The following OPRM1 variants were observed in gnomAD, a reference collection of about 807,000 sequenced individuals.
OPRM1 encodes the protein mu-type opioid receptor.
OPRM1 carries 27 observed loss-of-function variants against 31.8 expected under a neutral mutation model. The ratio of observed to expected loss-of-function variants is 0.85; its 90% CI spans 0.63 to 1.17. The LOEUF (loss-of-function observed/expected upper bound fraction) is 1.17. OPRM1 is among the 50% of genes most tolerant of loss of function. The pLI is 0.00. For synonymous variants in OPRM1, 196 were observed against 189.9 expected, an observed-to-expected ratio of 1.03 and a Z score of -0.26; for missense variants, 536 against 511.1, an observed-to-expected ratio of 1.05 and a Z score of -0.47.
intron 1 of OPRM1, among the ~76,000 whole-genome samples, chr6:154,028,581 C>T (rs1428256455): frequency 6.6e-6 from 1 of 152,152 alleles, no homozygotes; most frequent in East Asian, 1.9e-4. Context: ...TTATTTAAGG[C>T]CCCAGCGCCC....
At chr6:154,134,913 T>G (rs1051177757), downstream of OPRM1, among the ~76,000 whole-genome samples, 1 of 151,942 alleles carries the variant, frequency 6.6e-6, no homozygotes, top group Non-Finnish European at 1.5e-5. Flanking sequence ...ACAGAAACTA[T>G]CTATTTAAAT....
chr6:154,219,741 TA>T (rs1313569935), intron 3 of OPRM1, among the ~76,000 whole-genome samples: 1 of 152,038 alleles, frequency 6.6e-6, no homozygotes, highest in Non-Finnish European at 1.5e-5. Flanking sequence ...ACCAAGGGGA[TA>T]AAAAAAAGCT....
At chr6:154,089,264 C>T (rs1000600791) in intron 1 of OPRM1, among the ~76,000 whole-genome samples, 2 of 151,916 alleles carry the variant, frequency 1.3e-5, no homozygotes, top group Non-Finnish European at 2.9e-5. Context: ...TTAGACCTAT[C>T]ACAATGACTG....
chr6:154,070,056 G>C (rs941335788), intron 1 of OPRM1, among the ~76,000 whole-genome samples: 3 of 152,136 alleles, frequency 2.0e-5, no homozygotes, highest in African/African-American at 4.8e-5. Context: ...AGGTGAGGGG[G>C]TACAACAATG....
At chr6:154,107,197 T>A (rs547584731) in intron 3 of OPRM1, among the ~76,000 whole-genome samples, 84 of 152,320 alleles carry the variant, frequency 5.5e-4, no homozygotes, top group African/African-American at 1.9e-3. Context: ...AGGAAAGGGG[T>A]CTCTGGTGCC....
intron 3 of OPRM1, among the ~76,000 whole-genome samples, chr6:154,111,966 T>C (rs941208130): frequency 7.2e-5 from 11 of 152,016 alleles, no homozygotes; most frequent in Non-Finnish European, 1.3e-4. Flanking sequence ...GGGGTTTCAC[T>C]GTGTTAGCCA....
At chr6:154,152,426 A>G (rs1798563822) in intron 3 of OPRM1, among the ~76,000 whole-genome samples, 1 of 151,828 alleles carries the variant, frequency 6.6e-6, no homozygotes, top group South Asian at 2.1e-4. Context: ...TACACAGGTC[A>G]GGACCAATGA....
intron 1 of OPRM1, among the ~76,000 whole-genome samples, chr6:154,053,288 C>A (rs1782557300): frequency 6.6e-6 from 1 of 152,166 alleles, no homozygotes; most frequent in African/African-American, 2.4e-5. Context: ...AACTTCTTGG[C>A]AAATATAAAA....
intron 3 of OPRM1, among the ~76,000 whole-genome samples, chr6:154,179,600 T>C (rs1191449964): frequency 6.6e-6 from 1 of 152,210 alleles, no homozygotes; most frequent in Non-Finnish European, 1.5e-5. Context: ...ATTTTAGTCT[T>C]CCTACATAAA....
At chr6:154,176,360 T>C (rs1468299930) in intron 3 of OPRM1, among the ~76,000 whole-genome samples, 1 of 152,136 alleles carries the variant, frequency 6.6e-6, no homozygotes, top group East Asian at 1.9e-4. Flanking sequence ...GTGTATTCAA[T>C]TAGGAAAAGA....
intron 3 of OPRM1, among the ~76,000 whole-genome samples, chr6:154,113,385 G>A (rs1039903095): frequency 1.3e-5 from 2 of 152,164 alleles, no homozygotes; most frequent in Non-Finnish European, 2.9e-5. Context: ...ATTATTGCAA[G>A]GACTCAAAGA....
rs942359794 is a variant in OPRM1 at position 154,119,980 on chromosome 6, T to C, written c.*1259T>C. Among the ~76,000 whole-genome samples the C allele has an allele frequency of 6.6e-6, 1 of 152,314 alleles. No individual in the cohort carries two copies. The highest frequency in any genetic ancestry group is 3.4e-3 in the Middle Eastern group (1 of 294). On this transcript the variant is annotated 3_prime_UTR_variant, in exon 4 of 4. Transcript: ENST00000330432. ...AAGACAATTCTCCGCTTTAACTGAT[T>C]TTCTTTGTTGTGAAACACAGTAGAG...
chr6:154,102,425 C>A (rs193280242), intron 3 of OPRM1, among the ~76,000 whole-genome samples: 1 of 152,128 alleles, frequency 6.6e-6, no homozygotes, highest in Non-Finnish European at 1.5e-5. Context: ...CCAAGCCATC[C>A]GGTGAGGCTT....
In OPRM1 at chr6:154,118,679, T is replaced by C. The variant is rs201696508; in HGVS notation, c.1165-4T>C. 55 of 1,613,124 alleles carry C rather than the reference T, an allele frequency of 3.4e-5. No individual in the cohort carries two copies. Among genetic ancestry groups the C allele is most frequent in the South Asian group, 3.2e-4 (29 of 91,050 alleles). ...CACTGTCTTTGCTCTTTCTCTCCTT[T>C]CAGCTAGAAAATCTGGAAGCAGAAA... On this transcript the variant is annotated splice_region_variant and splice_polypyrimidine_tract_variant and intron_variant, in intron 3 of 3. Coordinates refer to ENST00000330432, the MANE Select transcript of OPRM1 (RefSeq NM_000914.5).
At position 154,168,310 on chromosome 6, in the gene OPRM1, C is replaced by T. The variant is rs1272557075; in HGVS notation, c.1164+76838C>T. 6.6e-6 allele frequency among the ~76,000 whole-genome samples: 1 copy of T among 152,110 alleles called. No homozygotes were observed. Among genetic ancestry groups the T allele is most frequent in the Non-Finnish European group, 1.5e-5 (1 of 68,016 alleles). On this transcript the variant is annotated intron_variant, in intron 3 of 3. Transcript: ENST00000337049. The surrounding 1 kb of genome is among the most constrained non-coding windows in gnomAD (Gnocchi z 4.1). ...ACTTTGTTACTGCAGAGCCACGTTC[C>T]CTGTGAAGGCACCAGGGAAGGAGTT...
At chr6:154,200,177 AGATAT>A in intron 3 of OPRM1, 1 of 757,052 alleles carries the variant, frequency 1.3e-6, no homozygotes, top group Admixed American at 3.0e-5. Flanking sequence ...CAAAAGGTAA[AGATAT>A]GATATTTATT....
intron 3 of OPRM1, among the ~76,000 whole-genome samples, chr6:154,192,544 C>T (rs1801995987): frequency 6.6e-6 from 1 of 151,894 alleles, no homozygotes. Flanking sequence ...TTCTGCACAG[C>T]AAAAGAAACA....
Position 154,091,629 on chromosome 6 carries a change from A to G in OPRM1, c.1164+157A>G, listed in dbSNP as rs78255870. The G allele has an allele frequency of 2.1e-6, 3 of 1,425,814 alleles. No individual in the cohort carries two copies. The African/African-American group carries it at 4.3e-5, about 20-fold the overall frequency. The allele number at this position is 1,425,814 out of a possible 1,614,324, so 88.3% of individuals were successfully genotyped here. On this transcript the variant is annotated intron_variant, in intron 3 of 3. Coordinates refer to ENST00000330432, the MANE Select transcript of OPRM1 (RefSeq NM_000914.5). ...TAGTGTTAGAGAAGAGGTTTGTTAT[A>G]TAAACTGTGTTCTTTATATTTGACT...
At chr6:154,062,105 A>G (rs565272380) in intron 1 of OPRM1, among the ~76,000 whole-genome samples, 59 of 152,280 alleles carry the variant, frequency 3.9e-4, no homozygotes, top group African/African-American at 1.3e-3. Context: ...AGAGTGATTT[A>G]TATTTTAGTT....
Sources: allele counts gnomAD v4.1 joint callset (sites outside exome capture counted in the v4.1 genomes callset), GRCh38; gene constraint gnomAD v4.1.1; non-coding constraint Gnocchi (gnomAD v3.1); transcripts MANE v1.5; gene names NCBI Gene and HGNC (gene_info 2026-07-23, HGNC 2026-07-21).